Variants in NAV3 observed in about 807,000 individuals in gnomAD.
NAV3 encodes neuron navigator 3.
Under a neutral mutation model 244.7 loss-of-function variants are expected in NAV3, and 87 were observed. The ratio of observed to expected loss-of-function variants is 0.36; its 90% CI spans 0.30 to 0.42. The LOEUF is 0.42. Ranked by LOEUF, NAV3 falls within the 20% of genes least tolerant of loss-of-function variation. The pLI is 1.00. For missense variants in NAV3, 2,663 were observed against 2,893.3 expected, an observed-to-expected ratio of 0.92 and a Z score of 1.83; for synonymous variants, 1,126 against 1,042.2, an observed-to-expected ratio of 1.08 and a Z score of -1.55.
At chr12:77,770,612 A>G (rs1870029275) in intron 2 of NAV3, among the ~76,000 whole-genome samples, 2 of 152,152 alleles carry the variant, frequency 1.3e-5, no homozygotes, top group South Asian at 2.1e-4. Flanking sequence ...GCAATTGCAC[A>G]CCTACACCAC....
At chr12:77,939,825 G>T (rs1188931924) in intron 1 of NAV3, among the ~76,000 whole-genome samples, 1 of 152,040 alleles carries the variant, frequency 6.6e-6, no homozygotes, top group African/African-American at 2.4e-5. Flanking sequence ...TAGACAGGAA[G>T]GTATTTGTAA....
In NAV3 at chr12:77,590,445, T is replaced by C. The variant is rs1453035993; in HGVS notation, c.72+18179T>C. Among the ~76,000 whole-genome samples the C allele has an allele frequency of 3.9e-5, 6 of 152,076 alleles. No individual in the cohort carries two copies. The East Asian group carries it at 1.2e-3, about 29-fold the overall frequency. The stretch of plus-strand genomic sequence containing the variant: ...ACCAAATACCACATGTTCTCACTTG[T>C]AAGTGGAGCTAAATGATAAGAACCC... On this transcript the variant is annotated intron_variant, in intron 2 of 8. Coordinates refer to the NAV3 transcript ENST00000550042.
intron 2 of NAV3, among the ~76,000 whole-genome samples, chr12:77,770,051 G>A (rs918520459): frequency 6.6e-6 from 1 of 152,100 alleles, no homozygotes; most frequent in African/African-American, 2.4e-5. Flanking sequence ...AAAAATGGTG[G>A]CTTTGTATTT....
chr12:77,727,287 C>T (rs914873113), intron 2 of NAV3, among the ~76,000 whole-genome samples: 7 of 151,788 alleles, frequency 4.6e-5, no homozygotes, highest in Non-Finnish European at 1.0e-4. Context: ...GAGAAGTTTA[C>T]GAGTGTAGTC....
At chr12:77,771,902 TAAAGTG>T (rs957708591) in intron 2 of NAV3, among the ~76,000 whole-genome samples, 2 of 132,744 alleles carry the variant, frequency 1.5e-5, no homozygotes, top group African/African-American at 5.5e-5. Flanking sequence ...CCCTAAAACT[TAAAGTG>T]TAATAATAAT....
intron 2 of NAV3, among the ~76,000 whole-genome samples, chr12:77,728,589 A>G (rs947994421): frequency 5.3e-5 from 8 of 151,936 alleles, no homozygotes; most frequent in African/African-American, 1.9e-4. Context: ...TTGTTATTGG[A>G]TGGAAAGGGT....
At chr12:77,717,712 C>T (rs775144937) in intron 2 of NAV3, among the ~76,000 whole-genome samples, 15 of 151,974 alleles carry the variant, frequency 9.9e-5, no homozygotes, top group Non-Finnish European at 1.9e-4. Flanking sequence ...TACATTCCCA[C>T]CAAGAGCACA....
intron 34 of NAV3, 64 bp downstream of exon 34, chr12:78,190,283 T>C: frequency 2.2e-6 from 3 of 1,371,514 alleles, no homozygotes; most frequent in Non-Finnish European, 3.0e-6. Context: ...GCAATCAAAT[T>C]ATAAGATTTT....
intron 3 of NAV3, among the ~76,000 whole-genome samples, chr12:77,946,561 T>C (rs1890369876): frequency 6.6e-6 from 1 of 152,112 alleles, no homozygotes; most frequent in African/African-American, 2.4e-5. Context: ...AACACTAAAT[T>C]TAACCTTATC....
chr12:78,177,017 A>G, intron 26 of NAV3, 124 bp from the exon 27 acceptor site: 1 of 853,490 alleles, frequency 1.2e-6, no homozygotes, highest in South Asian at 1.5e-5. Flanking sequence ...TGCAATTGTT[A>G]ATACTCTGCT....
chr12:78,206,388 T>C (rs1430143866), intron 39 of NAV3, among the ~76,000 whole-genome samples: 1 of 152,178 alleles, frequency 6.6e-6, no homozygotes, highest in Admixed American at 6.6e-5. Flanking sequence ...AGAGTAAATA[T>C]AAGCTTTAGA....
chr12:77,917,782 G>C (rs143511124), intron 1 of NAV3, among the ~76,000 whole-genome samples: 1 of 152,064 alleles, frequency 6.6e-6, no homozygotes, highest in East Asian at 1.9e-4. Flanking sequence ...AACATTAACT[G>C]TTTGTTTGAA....
chr12:77,814,246 G>GA (rs954423390), intron 2 of NAV3, among the ~76,000 whole-genome samples: 70 of 144,888 alleles, frequency 4.8e-4, no homozygotes, highest in Admixed American at 7.6e-4. Flanking sequence ...CGTATGTGGA[G>GA]AAAAAAAAAA....
At chr12:77,810,546 T>G (rs990012843) in intron 2 of NAV3, among the ~76,000 whole-genome samples, 1 of 152,184 alleles carries the variant, frequency 6.6e-6, no homozygotes, top group Non-Finnish European at 1.5e-5. Flanking sequence ...AATTGACACA[T>G]TATTCCATTT....
chr12:77,685,473 G>GCGCACACACACACACA (rs1555194535), intron 2 of NAV3, among the ~76,000 whole-genome samples: 10 of 42,692 alleles, frequency 2.3e-4, no homozygotes, highest in African/African-American at 4.8e-4. Context: ...GCATACACAT[G>GCGCACACACACACACA]CACACACACA....
chr12:78,185,533 G>T (rs1958674470), intron 30 of NAV3, 68 bp from the exon 31 acceptor site: 17 of 1,337,194 alleles, frequency 1.3e-5, no homozygotes, highest in Admixed American at 7.1e-5. Flanking sequence ...AGGGAGAAAA[G>T]AATGACAGTA....
intron 11 of NAV3, chr12:78,056,150 A>G (rs181677045): frequency 2.6e-4 from 40 of 152,288 alleles, no homozygotes; most frequent in Admixed American, 2.4e-3. Context: ...AGAGTACAAG[A>G]CACTGAAATT....
intron 1 of NAV3, among the ~76,000 whole-genome samples, chr12:77,858,263 G>A (rs1878700387): frequency 6.6e-6 from 1 of 151,942 alleles, no homozygotes; most frequent in African/African-American, 2.4e-5. Flanking sequence ...TTCATGGGAG[G>A]TGGAAAACAT....
chr12:78,035,190 A>G (rs1269288464), intron 9 of NAV3, among the ~76,000 whole-genome samples: 1 of 152,190 alleles, frequency 6.6e-6, no homozygotes, highest in Non-Finnish European at 1.5e-5. Flanking sequence ...TATTTCCTCT[A>G]TTGAGATTGG....
Sources: allele counts gnomAD v4.1 joint callset (sites outside exome capture counted in the v4.1 genomes callset), GRCh38; gene constraint gnomAD v4.1.1; transcripts MANE v1.5; gene names NCBI Gene and HGNC (gene_info 2026-07-23, HGNC 2026-07-21).